The following CLVS1 variants were observed in gnomAD, a reference collection of about 807,000 sequenced individuals.
CLVS1 encodes the protein clavesin 1.
Under a neutral mutation model 33.1 loss-of-function variants are expected in CLVS1, and 10 were observed. The ratio of observed to expected loss-of-function variants is 0.30; its 90% CI spans 0.19 to 0.51. The LOEUF (loss-of-function observed/expected upper bound fraction) is 0.51. Among genes scored for constraint, CLVS1 ranks in the 20% least tolerant of loss-of-function variants. The pLI is 0.97. For missense variants in CLVS1, 343 were observed against 433.4 expected, an observed-to-expected ratio of 0.79 and a Z score of 1.85; for synonymous variants, 163 against 166.1, an observed-to-expected ratio of 0.98 and a Z score of 0.14.
chr8:61,183,881 G>A (rs550027972), intron 2 of CLVS1, among the ~76,000 whole-genome samples: 105 of 152,288 alleles, frequency 6.9e-4, no homozygotes, highest in African/African-American at 2.3e-3. Context: ...GCAGAGCAAC[G>A]TTAGGGTATA....
intron 2 of CLVS1, among the ~76,000 whole-genome samples, chr8:61,223,715 A>G (rs866464940): frequency 3.3e-5 from 5 of 152,208 alleles, no homozygotes; most frequent in Middle Eastern, 3.4e-3. Flanking sequence ...CTGAATTTGC[A>G]TGTTGGCCTG....
At chr8:61,365,302 C>T (rs571706528) in intron 2 of CLVS1, among the ~76,000 whole-genome samples, 20 of 152,080 alleles carry the variant, frequency 1.3e-4, no homozygotes, top group South Asian at 1.0e-3. Context: ...CCGAGGCGGG[C>T]GGATCACCTG....
chr8:61,408,450 C>T (rs1815080518), intron 3 of CLVS1, among the ~76,000 whole-genome samples: 1 of 152,162 alleles, frequency 6.6e-6, no homozygotes, highest in Non-Finnish European at 1.5e-5. Flanking sequence ...TCACCTGCCC[C>T]AAGTCTTTAC....
At chr8:61,248,123 T>TGG in intron 2 of CLVS1, among the ~76,000 whole-genome samples, 1 of 152,198 alleles carries the variant, frequency 6.6e-6, no homozygotes, top group Non-Finnish European at 1.5e-5. Context: ...CTGGACTTTC[T>TGG]ATTCTGTTAA....
intron 2 of CLVS1, among the ~76,000 whole-genome samples, chr8:61,235,530 CA>C (rs948495108): frequency 6.6e-6 from 1 of 152,220 alleles, no homozygotes; most frequent in African/African-American, 2.4e-5. Flanking sequence ...CTTGCCACTT[CA>C]TTTTCTTAAA....
At chr8:61,380,621 G>A (rs972673332) in intron 3 of CLVS1, among the ~76,000 whole-genome samples, 2 of 152,068 alleles carry the variant, frequency 1.3e-5, no homozygotes, top group African/African-American at 4.8e-5. Context: ...ATCTTTAAAT[G>A]TGGTCAATAT....
chr8:61,196,691 C>A (rs1208104487), intron 2 of CLVS1, among the ~76,000 whole-genome samples: 1 of 152,138 alleles, frequency 6.6e-6, no homozygotes, highest in Non-Finnish European at 1.5e-5. Context: ...AATGGAGGAA[C>A]AAACGTGTTT....
chr8:61,064,308 A>G (rs1804635334), intron 1 of CLVS1, among the ~76,000 whole-genome samples: 1 of 152,212 alleles, frequency 6.6e-6, no homozygotes, highest in African/African-American at 2.4e-5. Context: ...ACTGTTTTTC[A>G]CAGACGCTGC....
chr8:61,033,008 A>G, the CLVS1 span, among the ~76,000 whole-genome samples: 348 of 111,642 alleles, frequency 3.1e-3, 2 homozygotes, highest in African/African-American at 0.011. Flanking sequence ...AAAGAAAGAA[A>G]GAAAGAAAGA....
At chr8:61,008,864 T>G in the CLVS1 span, among the ~76,000 whole-genome samples, 1 of 152,226 alleles carries the variant, frequency 6.6e-6, no homozygotes, top group African/African-American at 2.4e-5. Flanking sequence ...GACAAGTATC[T>G]TGGCCTAGTA....
At chr8:61,261,420 C>G (rs1461920271) in intron 2 of CLVS1, among the ~76,000 whole-genome samples, 1 of 152,100 alleles carries the variant, frequency 6.6e-6, no homozygotes, top group African/African-American at 2.4e-5. Flanking sequence ...GCAAGAGGGT[C>G]CCCTGTTAGA....
At chr8:61,406,447 G>A (rs1247195383) in intron 3 of CLVS1, among the ~76,000 whole-genome samples, 1 of 152,090 alleles carries the variant, frequency 6.6e-6, no homozygotes, top group Non-Finnish European at 1.5e-5. Context: ...AATAAGTTGC[G>A]TTCCAGCTCC....
chr8:61,463,652 C>T (rs903109808), intron 5 of CLVS1, among the ~76,000 whole-genome samples: 1 of 152,184 alleles, frequency 6.6e-6, no homozygotes, highest in Non-Finnish European at 1.5e-5. Flanking sequence ...AGAAAACACA[C>T]ACCATTTATC....
intron 3 of CLVS1, among the ~76,000 whole-genome samples, chr8:61,385,157 G>A (rs1563529118): frequency 1.3e-5 from 2 of 152,146 alleles, no homozygotes; most frequent in Non-Finnish European, 2.9e-5. Flanking sequence ...AGATTTTCAC[G>A]AGAAGAATAT....
chr8:61,292,633 G>A (rs754762300), intron 1 of CLVS1, among the ~76,000 whole-genome samples: 3 of 152,100 alleles, frequency 2.0e-5, no homozygotes, highest in Non-Finnish European at 4.4e-5. Context: ...TTTAAAAATT[G>A]GGGTATCAAC....
At chr8:61,298,449 T>A (rs961232516) in intron 1 of CLVS1, among the ~76,000 whole-genome samples, 1 of 152,194 alleles carries the variant, frequency 6.6e-6, no homozygotes, top group Non-Finnish European at 1.5e-5. Flanking sequence ...TACTTTTTTT[T>A]ATCTCCTCCG....
chr8:61,287,635 G>T (rs1809816410), upstream of CLVS1, among the ~76,000 whole-genome samples: 1 of 151,960 alleles, frequency 6.6e-6, no homozygotes, highest in Non-Finnish European at 1.5e-5. Flanking sequence ...AAAAGACTTT[G>T]ATTTGAGTCT....
intron 1 of CLVS1, among the ~76,000 whole-genome samples, chr8:61,102,375 T>A (rs1355844574): frequency 2.0e-5 from 3 of 152,198 alleles, no homozygotes; most frequent in African/African-American, 4.8e-5. Context: ...GTAAAAAAAA[T>A]TGTTTTCTTA....
the CLVS1 span, among the ~76,000 whole-genome samples, chr8:60,978,729 T>G: frequency 6.9e-6 from 1 of 145,252 alleles, no homozygotes; most frequent in Non-Finnish European, 1.5e-5. Context: ...GCAGGAGAAT[T>G]GCTTGAACAC....
Sources: gnomAD v4.1 joint callset for allele counts (sites outside exome capture counted in the v4.1 genomes callset) on GRCh38, gnomAD v4.1.1 for gene constraint, MANE v1.5 for transcripts, NCBI Gene and HGNC (gene_info 2026-07-23, HGNC 2026-07-21) for gene names.